The following ASPRV1 variants were observed in gnomAD, a reference collection of about 807,000 sequenced individuals.
ASPRV1 encodes retroviral-like aspartic protease 1.
A neutral mutation model predicts 11.0 loss-of-function variants in ASPRV1; 7 were observed. The observed-to-expected ratio is 0.64, with a 90% CI of 0.36 to 1.20. The LOEUF is 1.20. Ranked by LOEUF, ASPRV1 falls within the 50% of genes most tolerant of loss-of-function variation. The pLI, the probability that ASPRV1 is intolerant of heterozygous loss-of-function variation, is 0.02. For missense variants in ASPRV1, 299 were observed against 320.0 expected, an observed-to-expected ratio of 0.93 and a Z score of 0.50; for synonymous variants, 136 against 138.4, an observed-to-expected ratio of 0.98 and a Z score of 0.12.
chr2:70,035,839 CA>C, the ASPRV1 span, among the ~76,000 whole-genome samples: 1 of 151,260 alleles, frequency 6.6e-6, no homozygotes, highest in Non-Finnish European at 1.5e-5. Flanking sequence ...CATGGAATTC[CA>C]AAAATAAACA....
the ASPRV1 span, among the ~76,000 whole-genome samples, chr2:69,934,839 C>G: frequency 1.3e-5 from 2 of 152,178 alleles, no homozygotes; most frequent in African/African-American, 4.8e-5. Flanking sequence ...CCAGTTCCCT[C>G]CTGGGTGGTC....
At chr2:70,003,621 G>A in the ASPRV1 span, among the ~76,000 whole-genome samples, 1 of 152,302 alleles carries the variant, frequency 6.6e-6, no homozygotes, top group Admixed American at 6.5e-5. Context: ...ACATTCCTTT[G>A]GAAGCTCTTC....
At chr2:70,006,154 G>A in the ASPRV1 span, among the ~76,000 whole-genome samples, 8 of 152,280 alleles carry the variant, frequency 5.3e-5, no homozygotes, top group African/African-American at 9.6e-5. Context: ...AAGTTGTGAC[G>A]ACTAAAAATA....
chr2:69,989,185 C>G, the ASPRV1 span, among the ~76,000 whole-genome samples: 1 of 152,218 alleles, frequency 6.6e-6, no homozygotes, highest in African/African-American at 2.4e-5. Context: ...CTGGCTCCAT[C>G]TCCTCCTGGA....
the ASPRV1 span, among the ~76,000 whole-genome samples, chr2:70,009,265 T>C: frequency 6.6e-6 from 1 of 152,160 alleles, no homozygotes; most frequent in East Asian, 1.9e-4. Context: ...TGTTTGGATT[T>C]TTAAATGATG....
upstream of ASPRV1, chr2:69,963,059 G>C (rs745864811): frequency 5.7e-6 from 2 of 351,550 alleles, no homozygotes; most frequent in Admixed American, 3.8e-5. Context: ...CCCAGTGCCT[G>C]GCGGAATCCC....
At chr2:70,026,746 A>C in the ASPRV1 span, among the ~76,000 whole-genome samples, 1 of 152,200 alleles carries the variant, frequency 6.6e-6, no homozygotes, top group Non-Finnish European at 1.5e-5. Flanking sequence ...AGATTGGAAA[A>C]ATTTATACTG....
chr2:69,982,041 A>G, the ASPRV1 span, among the ~76,000 whole-genome samples: 2 of 23,602 alleles, frequency 8.5e-5, no homozygotes, highest in East Asian at 4.0e-3. Context: ...TCATCTATCC[A>G]TCCATCCATC....
At chr2:69,988,848 G>A in the ASPRV1 span, 5 of 456,484 alleles carry the variant, frequency 1.1e-5, no homozygotes, top group South Asian at 7.7e-5. Flanking sequence ...TCTGGAGTAG[G>A]ATGGGAGGGG....
chr2:70,038,599 A>G, the ASPRV1 span, among the ~76,000 whole-genome samples: 1 of 151,852 alleles, frequency 6.6e-6, no homozygotes, highest in East Asian at 1.9e-4. Context: ...GGGAAAAAAA[A>G]GCGTATGAAG....
chr2:70,020,076 T>A, the ASPRV1 span, among the ~76,000 whole-genome samples: 5 of 152,088 alleles, frequency 3.3e-5, no homozygotes, highest in African/African-American at 9.7e-5. Flanking sequence ...ACACATTTTT[T>A]AAAAATCAAA....
At chr2:69,974,210 G>C in the ASPRV1 span, among the ~76,000 whole-genome samples, 3 of 151,982 alleles carry the variant, frequency 2.0e-5, no homozygotes, top group African/African-American at 7.2e-5. Context: ...GGTGGTGCAT[G>C]CCTGTTTTCC....
the ASPRV1 span, among the ~76,000 whole-genome samples, chr2:69,968,748 G>C: frequency 0.013 from 1,943 of 152,286 alleles, 44 homozygotes; most frequent in African/African-American, 0.045. Flanking sequence ...CTCCTGGGCC[G>C]TCTGCATGGG....
rs116352214 is a variant in ASPRV1, at chr2:69,961,488, C to T, written c.-52G>A. Reference sequence around the variant, plus strand: ...CAGCAACCCACGCCAAGAAGAGAAACCCACAGAGCAGTGTCGGCGCAATCA... The same window carrying T: ...CAGCAACCCACGCCAAGAAGAGAAATCCACAGAGCAGTGTCGGCGCAATCA... On this transcript the variant is annotated 5_prime_UTR_variant, in exon 1 of 1. Coordinates refer to ENST00000320256, the MANE Select transcript of ASPRV1 (RefSeq NM_152792.4). 1.1e-3 allele frequency: 1,774 copies of T among 1,614,142 alleles called. 23 individuals carry two copies. In the African/African-American group the frequency reaches 0.022, roughly 20 times the overall value.
the ASPRV1 span, among the ~76,000 whole-genome samples, chr2:70,067,453 G>A: frequency 6.6e-6 from 1 of 152,046 alleles, no homozygotes; most frequent in African/African-American, 2.4e-5. Context: ...TGCCAAAGAG[G>A]TTGAGATCAC....
At chr2:69,976,003 C>T in the ASPRV1 span, 2 of 152,934 alleles carry the variant, frequency 1.3e-5, no homozygotes, top group Non-Finnish European at 2.9e-5. Flanking sequence ...TGCTCTCCGT[C>T]CTCCCCTTCC....
the ASPRV1 span, among the ~76,000 whole-genome samples, chr2:70,048,021 A>G: frequency 1.4e-5 from 2 of 146,292 alleles, no homozygotes; most frequent in South Asian, 4.4e-4. Context: ...AGGCAGGAGA[A>G]TTGCTTAAAT....
the ASPRV1 span, among the ~76,000 whole-genome samples, chr2:70,027,748 T>G: frequency 6.6e-6 from 1 of 152,140 alleles, no homozygotes; most frequent in South Asian, 2.1e-4. Flanking sequence ...TATAGTTAGA[T>G]AAAAGGAATA....
At chr2:70,071,060 C>G in the ASPRV1 span, among the ~76,000 whole-genome samples, 5 of 152,154 alleles carry the variant, frequency 3.3e-5, no homozygotes, top group Non-Finnish European at 5.9e-5. Context: ...GATAAACTTC[C>G]AGCCATTTTG....
Sources: gnomAD v4.1 joint callset for allele counts (sites outside exome capture counted in the v4.1 genomes callset) on GRCh38, gnomAD v4.1.1 for gene constraint, MANE v1.5 for transcripts, NCBI Gene and HGNC (gene_info 2026-07-23, HGNC 2026-07-21) for gene names.